Variants in CACNA2D4 observed in about 807,000 individuals in gnomAD.
CACNA2D4 encodes voltage-dependent calcium channel subunit alpha-2/delta-4.
CACNA2D4 carries 157 observed loss-of-function variants against 163.8 expected under a neutral mutation model. The observed-to-expected ratio is 0.96, with a 90% CI of 0.84 to 1.09. The LOEUF (loss-of-function observed/expected upper bound fraction) is 1.09. CACNA2D4 is among the 50% of genes least tolerant of loss of function. CACNA2D4 has a pLI of 0.00. For missense variants in CACNA2D4, 1,410 were observed against 1,479.9 expected (o/e 0.95, Z 0.78); for synonymous variants, 598 against 586.9 (o/e 1.02, Z -0.27).
chr12:1,822,408 C>T (rs1864141492), intron 26 of CACNA2D4, among the ~76,000 whole-genome samples: 1 of 152,074 alleles, frequency 6.6e-6, no homozygotes, highest in Admixed American at 6.5e-5. Context: ...TGGTCTTCCT[C>T]CTTTTTCCCC....
In CACNA2D4 at chr12:1,811,491, C is replaced by G. The variant is rs146460229; in HGVS notation, c.2613+171G>C. Among the ~76,000 whole-genome samples, 262 of 152,264 alleles carry G rather than the reference C, an allele frequency of 1.7e-3. 2 individuals carry two copies. Among genetic ancestry groups the G allele is most frequent in the African/African-American group, 5.9e-3 (247 of 41,554 alleles). The stretch of plus-strand genomic sequence containing the variant: ...GGCTGGCAGGGGCTGGGGACCAGCG[C>G]TGAGGCCCGGCCTGCAGGCTGGGGA... On this transcript the variant is annotated intron_variant, in intron 27 of 37. Transcript: ENST00000382722.
chr12:1,898,322 A>G (rs1327196716), intron 6 of CACNA2D4, among the ~76,000 whole-genome samples: 3 of 152,132 alleles, frequency 2.0e-5, no homozygotes, highest in Admixed American at 1.3e-4. Context: ...TTTGTAAATC[A>G]TCAATCCAAC....
chr12:1,838,589 A>G (rs950346707), intron 26 of CACNA2D4, among the ~76,000 whole-genome samples: 11 of 152,328 alleles, frequency 7.2e-5, no homozygotes, highest in African/African-American at 2.6e-4. Flanking sequence ...CATGCACCCC[A>G]GAGTGTAAGA....
intron 26 of CACNA2D4, among the ~76,000 whole-genome samples, chr12:1,814,208 T>C (rs992787333): frequency 3.9e-5 from 6 of 152,126 alleles, no homozygotes; most frequent in Admixed American, 6.5e-5. Flanking sequence ...AATCATGAGA[T>C]TTCTGAGCTG....
intron 26 of CACNA2D4, among the ~76,000 whole-genome samples, chr12:1,825,450 T>C (rs1344012221): frequency 6.6e-6 from 1 of 152,192 alleles, no homozygotes; most frequent in Non-Finnish European, 1.5e-5. Flanking sequence ...GGGACTGCTC[T>C]GCAGGGGTTC....
chr12:1,860,384 C>G (rs1479023977), intron 18 of CACNA2D4, among the ~76,000 whole-genome samples, 178 bp from the exon 19 acceptor site: 1 of 152,238 alleles, frequency 6.6e-6, no homozygotes. Context: ...CAGATCCTCT[C>G]TAGGTGCAGC....
At position 1,833,705 on chromosome 12, in the gene CACNA2D4, G is replaced by A. The variant is rs1864730057; in HGVS notation, c.2551+7034C>T. On this transcript the variant is annotated intron_variant, in intron 26 of 37. Coordinates refer to ENST00000382722, the MANE Select transcript of CACNA2D4 (RefSeq NM_172364.5). The surrounding 1 kb of genome is among the most constrained non-coding windows in gnomAD (Gnocchi z 4.2). ...CAGGAAGGGAGCTGCCCATTCTTAG[G>A]CAACCAAAAGGTCTTGCGTGGAGGG... Among the ~76,000 whole-genome samples the A allele has an allele frequency of 6.6e-6, 1 of 152,202 alleles. No individual in the cohort carries two copies. Among genetic ancestry groups the A allele is most frequent in the Non-Finnish European group, 1.5e-5 (1 of 68,034 alleles).
chr12:1,882,742 T>G, intron 13 of CACNA2D4, 125 bp downstream of exon 13: 3 of 991,106 alleles, frequency 3.0e-6, no homozygotes, highest in Non-Finnish European at 4.5e-6. Context: ...CATTCGCCCC[T>G]TCTTAATGTT....
At chr12:1,882,134 G>T (rs1187656131) in intron 13 of CACNA2D4, among the ~76,000 whole-genome samples, 1 of 152,250 alleles carries the variant, frequency 6.6e-6, no homozygotes, top group South Asian at 2.1e-4. Context: ...CTGAGCATGA[G>T]GATGAGGGCC....
At chr12:1,908,291 A>G (rs888592303) in intron 4 of CACNA2D4, among the ~76,000 whole-genome samples, 2 of 152,216 alleles carry the variant, frequency 1.3e-5, no homozygotes, top group Admixed American at 6.5e-5. Context: ...TCAGTCCCCA[A>G]CTTGGTGCAG....
At chr12:1,800,557 A>G (rs1416236790) in intron 31 of CACNA2D4, 119 bp from the exon 32 acceptor site, 16 of 986,586 alleles carry the variant, frequency 1.6e-5, no homozygotes, top group Non-Finnish European at 2.5e-5. Context: ...CACTGGGAGC[A>G]GGGGCAGCAG....
At chr12:1,888,010 C>G (rs1484617822) in intron 6 of CACNA2D4, among the ~76,000 whole-genome samples, 1 of 152,118 alleles carries the variant, frequency 6.6e-6, no homozygotes, top group East Asian at 1.9e-4. Flanking sequence ...CAAATGAGAA[C>G]AGAGCCCCAG....
intron 26 of CACNA2D4, among the ~76,000 whole-genome samples, chr12:1,817,410 C>G (rs1018266813): frequency 1.3e-5 from 2 of 152,094 alleles, no homozygotes; most frequent in African/African-American, 4.8e-5. Context: ...GGACACGGAA[C>G]AGGTGAGGCC....
At chr12:1,824,352 C>T (rs1025521553) in intron 26 of CACNA2D4, among the ~76,000 whole-genome samples, 8 of 152,206 alleles carry the variant, frequency 5.3e-5, no homozygotes, top group Admixed American at 3.3e-4. Flanking sequence ...AGACCAATGC[C>T]GCTGGTCCAT....
intron 6 of CACNA2D4, among the ~76,000 whole-genome samples, chr12:1,900,798 G>A (rs1866519027): frequency 6.6e-6 from 1 of 152,156 alleles, no homozygotes; most frequent in African/African-American, 2.4e-5. Flanking sequence ...AAATCATCCA[G>A]AGAGAAAATC....
At position 1,884,799 on chromosome 12, in the gene CACNA2D4, A is replaced by T; in HGVS notation, c.1241T>A (p.Val414Glu). The T allele has an allele frequency of 6.2e-7, 1 of 1,613,460 alleles. No individual in the cohort carries two copies. Reference protein sequence around the residue: ...SDGAVEDYEPVFEKYNWPDCK... With the variant: ...SDGAVEDYEPEFEKYNWPDCK... ...GTCTGGCCAGTTATACTTCTCAAAC[A>T]CCGGCTCGTAGTCCTCCACGGCGCC... Residue 414 changes from valine to glutamate, a missense_variant, in exon 11 of 38, where the codon GTG becomes GAG. Val to Glu is a moderately radical substitution (Grantham distance 121). Coordinates refer to ENST00000382722, the MANE Select transcript of CACNA2D4 (RefSeq NM_172364.5).
rs1019144115 is a variant in CACNA2D4 at position 1,833,750 on chromosome 12, G to C, written c.2551+6989C>G. Among the ~76,000 whole-genome samples, 1 of 152,216 alleles carries C rather than the reference G, an allele frequency of 6.6e-6. No homozygotes were observed. The highest frequency in any genetic ancestry group is 2.4e-5 in the African/African-American group (1 of 41,454). ...GGAGGGGCAGCGGCAGGGGCAGTGG[G>C]TTTTGACTGCTGTCCTTTGAGTGAG... On this transcript the variant is annotated intron_variant, in intron 26 of 37. Transcript: ENST00000382722. This position sits in a 1 kb window ranked among gnomAD's most constrained non-coding sequence, Gnocchi z 4.2.
At chr12:1,907,718 A>G (rs1163280262) in intron 5 of CACNA2D4, 147 bp from the exon 6 acceptor site, 5 of 1,127,938 alleles carry the variant, frequency 4.4e-6, no homozygotes, top group Middle Eastern at 2.3e-4. Context: ...TGTCTGGTGG[A>G]CGGCCTGGTG....
intron 26 of CACNA2D4, among the ~76,000 whole-genome samples, chr12:1,825,931 CTGAG>C (rs1262515479): frequency 1.2e-4 from 19 of 152,314 alleles, no homozygotes; most frequent in Non-Finnish European, 1.2e-4. Flanking sequence ...ACATTCTTGA[CTGAG>C]TAAGAGAGAT....
Sources: allele counts gnomAD v4.1 joint callset (sites outside exome capture counted in the v4.1 genomes callset), GRCh38; gene constraint gnomAD v4.1.1; non-coding constraint Gnocchi (gnomAD v3.1); transcripts MANE v1.5; gene names NCBI Gene and HGNC (gene_info 2026-07-23, HGNC 2026-07-21).